Variants in COL24A1 observed in about 807,000 individuals in gnomAD.
COL24A1 encodes the protein collagen alpha-1(XXIV) chain.
Under a neutral mutation model 253.9 loss-of-function variants are expected in COL24A1, and 224 were observed. The observed-to-expected ratio is 0.88, with a 90% CI of 0.79 to 0.99. The LOEUF is 0.99. Ranked by LOEUF, COL24A1 falls within the 50% of genes least tolerant of loss-of-function variation. COL24A1 has a pLI of 0.00. For missense variants in COL24A1, 2,131 were observed against 2,068.5 expected (o/e 1.03, Z -0.59); for synonymous variants, 685 against 673.7 (o/e 1.02, Z -0.26).
chr1:86,138,830 C>T (rs1049487874), intron 2 of COL24A1, among the ~76,000 whole-genome samples: 29 of 151,796 alleles, frequency 1.9e-4, no homozygotes, highest in Non-Finnish European at 4.3e-4. Context: ...AATTTCTTGC[C>T]ATAACAAAGC....
intron 24 of COL24A1, among the ~76,000 whole-genome samples, chr1:85,957,270 A>G (rs1024485342): frequency 1.3e-5 from 2 of 152,130 alleles, no homozygotes; most frequent in African/African-American, 2.4e-5. Context: ...TGACGGGTTG[A>G]TGGGTGCAGC....
chr1:85,796,543 C>T (rs1221631087), intron 47 of COL24A1, among the ~76,000 whole-genome samples: 1 of 152,158 alleles, frequency 6.6e-6, no homozygotes, highest in Non-Finnish European at 1.5e-5. Flanking sequence ...CTCATACTAT[C>T]TTATTTGATT....
intron 2 of COL24A1, among the ~76,000 whole-genome samples, chr1:86,135,988 T>C (rs1328854653): frequency 6.6e-6 from 1 of 152,094 alleles, no homozygotes; most frequent in Non-Finnish European, 1.5e-5. Flanking sequence ...CCAAAGGCTC[T>C]GCTCCGGTAC....
chr1:85,992,226 T>C (rs1333286314), intron 19 of COL24A1, among the ~76,000 whole-genome samples: 1 of 152,160 alleles, frequency 6.6e-6, no homozygotes, highest in East Asian at 1.9e-4. Flanking sequence ...TCCAGCTTCA[T>C]CCATGTCCCT....
chr1:86,151,645 C>A (rs534428849), intron 1 of COL24A1, among the ~76,000 whole-genome samples: 1 of 152,134 alleles, frequency 6.6e-6, no homozygotes, highest in Non-Finnish European at 1.5e-5. Flanking sequence ...ATGACTAATA[C>A]CCATTCCAGG....
intron 2 of COL24A1, among the ~76,000 whole-genome samples, chr1:86,127,146 A>C (rs1471665563): frequency 6.6e-6 from 1 of 152,114 alleles, no homozygotes; most frequent in Non-Finnish European, 1.5e-5. Flanking sequence ...AATTCATTTT[A>C]TTGGTGATCA....
intron 48 of COL24A1, among the ~76,000 whole-genome samples, chr1:85,785,965 T>A (rs1669641459): frequency 6.6e-6 from 1 of 152,190 alleles, no homozygotes; most frequent in Non-Finnish European, 1.5e-5. Context: ...ATCAGATTAA[T>A]TAATTGGTTG....
chr1:85,946,631 T>C (rs1047488520), intron 24 of COL24A1, among the ~76,000 whole-genome samples: 10 of 152,226 alleles, frequency 6.6e-5, no homozygotes, highest in Non-Finnish European at 1.3e-4. Flanking sequence ...TCTTATTTTC[T>C]ACCCCTGACA....
chr1:86,030,224 A>G (rs2101490309), intron 14 of COL24A1: 1 of 152,360 alleles, frequency 6.6e-6, no homozygotes, highest in African/African-American at 2.4e-5. Flanking sequence ...GCCATGGAAG[A>G]AAAACATCCA....
chr1:85,872,881 T>C (rs565253200), intron 35 of COL24A1, among the ~76,000 whole-genome samples: 16 of 152,196 alleles, frequency 1.1e-4, no homozygotes, highest in Admixed American at 8.5e-4. Context: ...AAAAAGAAAC[T>C]ACCATCAGAG....
At chr1:85,875,953 C>T (rs577859952) in intron 33 of COL24A1, among the ~76,000 whole-genome samples, 2 of 152,150 alleles carry the variant, frequency 1.3e-5, no homozygotes, top group South Asian at 4.2e-4. Flanking sequence ...TATAAACATG[C>T]TATGTGTGCC....
At chr1:86,142,686 C>T (rs151081615) in intron 2 of COL24A1, among the ~76,000 whole-genome samples, 19 of 151,362 alleles carry the variant, frequency 1.3e-4, no homozygotes, top group African/African-American at 4.4e-4. Context: ...AATAAAGAGC[C>T]CAATACTGAA....
In COL24A1 at chr1:86,018,050, C is replaced by T. The variant is rs552005388; in HGVS notation, c.2257-846G>A. 1.7e-4 allele frequency among the ~76,000 whole-genome samples: 26 copies of T among 152,206 alleles called. No homozygotes were observed. The South Asian group carries it at 5.2e-3, about 30-fold the overall frequency. On this transcript the variant is annotated intron_variant, in intron 18 of 59. Transcript: ENST00000370571. ...AACTAGAGAAGGCTAGCAATGCTCT[C>T]GAGAGATGAAAGTTTGGAAAGGGAG...
At position 85,903,127 on chromosome 1, in the gene COL24A1, G is replaced by A. The variant is rs537763602; in HGVS notation, c.2778+4067C>T. 3.9e-5 allele frequency among the ~76,000 whole-genome samples: 6 copies of A among 152,094 alleles called. No homozygotes were observed. In the East Asian group the frequency reaches 1.2e-3, roughly 29 times the overall value. ...TTTATTATTTCATTTTATAAGTCAA[G>A]ACAACACAGGGAATGAAGAAAGAGA... On this transcript the variant is annotated intron_variant, in intron 28 of 59. Transcript: ENST00000370571.
intron 10 of COL24A1, among the ~76,000 whole-genome samples, chr1:86,053,550 A>T (rs769405845): frequency 6.6e-6 from 1 of 152,092 alleles, no homozygotes; most frequent in Non-Finnish European, 1.5e-5. Flanking sequence ...AATGAAACAA[A>T]GAACATTAAA....
chr1:85,780,251 T>C (rs1298945329), intron 52 of COL24A1, among the ~76,000 whole-genome samples: 2 of 152,204 alleles, frequency 1.3e-5, no homozygotes, highest in African/African-American at 4.8e-5. Flanking sequence ...ATAGTGGTAC[T>C]AAACACTTGA....
chr1:86,011,948 T>C (rs957968355), intron 19 of COL24A1, among the ~76,000 whole-genome samples: 7 of 152,200 alleles, frequency 4.6e-5, no homozygotes, highest in African/African-American at 1.7e-4. Context: ...TGATTCTGAT[T>C]CAACATTTTT....
intron 42 of COL24A1, among the ~76,000 whole-genome samples, chr1:85,840,685 A>C (rs1186733995): frequency 6.6e-6 from 1 of 152,168 alleles, no homozygotes; most frequent in Non-Finnish European, 1.5e-5. Flanking sequence ...ATAAAGCTAT[A>C]ATAGCTACTT....
intron 24 of COL24A1, among the ~76,000 whole-genome samples, chr1:85,935,168 T>TA (rs978795857): frequency 2.7e-5 from 4 of 148,924 alleles, no homozygotes; most frequent in African/African-American, 9.8e-5. Flanking sequence ...TGTTTGAAAC[T>TA]AAAAAATTTT....
Sources: allele counts gnomAD v4.1 joint callset (sites outside exome capture counted in the v4.1 genomes callset), GRCh38; gene constraint gnomAD v4.1.1; transcripts MANE v1.5; gene names NCBI Gene and HGNC (gene_info 2026-07-23, HGNC 2026-07-21).